NCOR2: variants seen among roughly 807,000 people sequenced by gnomAD.
NCOR2 encodes the protein CTG repeat protein 26.
A neutral mutation model predicts 262.9 loss-of-function variants in NCOR2; 81 were observed. The observed-to-expected ratio is 0.31, with a 90% confidence interval of 0.26 to 0.37. The LOEUF (loss-of-function observed/expected upper bound fraction) is 0.37, where lower values mean the gene tolerates loss of function less well. NCOR2 is among the 10% of genes least tolerant of loss of function. The pLI is 1.00. For missense variants in NCOR2, 3,385 were observed against 3,621.4 expected (o/e 0.93, Z 1.68); for synonymous variants, 1,659 against 1,559.3 (o/e 1.06, Z -1.51).
At chr12:124,436,270 G>A (rs956362088) in intron 8 of NCOR2, among the ~76,000 whole-genome samples, 4 of 152,204 alleles carry the variant, frequency 2.6e-5, no homozygotes, top group Admixed American at 6.5e-5. Context: ...CCAGGCCTGC[G>A]CCTGGGAGGG....
At chr12:124,402,492 C>T (rs780737127) in exon 14 of NCOR2, 3 of 1,604,318 alleles carry the variant, frequency 1.9e-6, no homozygotes, top group Non-Finnish European at 2.6e-6. Context: ...TCTTTCTCCT[C>T]CTGGCTGCTG....
intron 19 of NCOR2, among the ~76,000 whole-genome samples, chr12:124,373,620 G>A (rs1424607361): frequency 5.9e-5 from 6 of 101,708 alleles, no homozygotes; most frequent in African/African-American, 1.2e-4. Context: ...ACAGTGGGCA[G>A]TGAGGCCAGT....
At chr12:124,363,268 G>A (rs966367171) in intron 21 of NCOR2, among the ~76,000 whole-genome samples, 3 of 152,242 alleles carry the variant, frequency 2.0e-5, no homozygotes, top group Non-Finnish European at 4.4e-5. Context: ...CACCTCCAAG[G>A]GCCCACGCAC....
chr12:124,433,904 A>ACACACGCG lies in NCOR2; in HGVS notation c.883-3118_883-3117insCGCGTGTG, dbSNP rs1555222720. Reference sequence around the variant, plus strand: ...CACACACACACACACACACACGCACACACACACACAGGGAAAGACTGGAGC... The same window carrying ACACACGCG: ...CACACACACACACACACACACGCACACACACGCGCACACACACAGGGAAAGACTGGAGC... On this transcript the variant is annotated intron_variant, in intron 8 of 46. Coordinates refer to ENST00000405201, the Ensembl canonical transcript of NCOR2. 1.1e-4 allele frequency among the ~76,000 whole-genome samples: 10 copies of ACACACGCG among 93,924 alleles called. 1 individual carries two copies. The highest frequency in any genetic ancestry group is 3.2e-4 in the East Asian group (1 of 3,100). 61.6% of individuals were successfully genotyped at this position (93,924 alleles called of 152,430 possible).
chr12:124,326,325 T>C (rs777601321), exon 46 of NCOR2: 1 of 1,538,098 alleles, frequency 6.5e-7, no homozygotes, highest in African/African-American at 1.4e-5. Context: ...GGACTTGGCT[T>C]TTCGGCTGCT....
Position 124,346,853 on chromosome 12 carries a change from GC to G in NCOR2, c.4073-4del. ...CTCCACGTAGGACCGAGGGATCCCT[GC>G]CGGGCCGACAGCACTGACCCTCACG... On this transcript the variant is annotated splice_polypyrimidine_tract_variant and splice_region_variant and intron_variant, in intron 30 of 46. Transcript: ENST00000405201. 1.3e-6 allele frequency: 2 copies of G among 1,564,274 alleles called. No individual in the cohort carries two copies. The highest frequency in any genetic ancestry group is 1.8e-5 in the Admixed American group (1 of 54,124).
In NCOR2 at chr12:124,345,007, C is replaced by A. The variant is rs575853014; in HGVS notation, c.4360-56G>T. ...TGGCCACAGCCATAGCCCAGACCAG[C>A]TGCATCCCCCTTCTGAGCCTCAAAA... is the stretch of plus-strand genomic sequence containing the variant. On this transcript the variant is annotated intron_variant, in intron 31 of 46. Coordinates refer to ENST00000405201, the Ensembl canonical transcript of NCOR2. 127 of 1,403,034 alleles carry A rather than the reference C, an allele frequency of 9.1e-5. No homozygotes were observed. In the African/African-American group the frequency reaches 1.6e-3, roughly 17 times the overall value. The allele number at this position is 1,403,034 out of a possible 1,614,324, so 86.9% of individuals were successfully genotyped here. A position where few individuals can be genotyped will look rare whatever the true frequency, so the allele number is the denominator to read the frequency against.
chr12:124,544,152 G>C (rs2051468873), intron 1 of NCOR2, among the ~76,000 whole-genome samples: 1 of 152,176 alleles, frequency 6.6e-6, no homozygotes, highest in Admixed American at 6.5e-5. Flanking sequence ...GAGACTGCTG[G>C]ATGAGATGGA....
At chr12:124,545,340 A>G (rs1421442808) in intron 1 of NCOR2, among the ~76,000 whole-genome samples, 2 of 152,114 alleles carry the variant, frequency 1.3e-5, no homozygotes, top group South Asian at 2.1e-4. Flanking sequence ...GCCAGTGACA[A>G]CAGAAGCACC....
At chr12:124,401,031 T>C (rs1008745259) in intron 14 of NCOR2, among the ~76,000 whole-genome samples, 6 of 152,006 alleles carry the variant, frequency 3.9e-5, no homozygotes, top group Non-Finnish European at 8.8e-5. Flanking sequence ...ACAGCAAGAC[T>C]CCATCTCTAC....
intron 1 of NCOR2, among the ~76,000 whole-genome samples, chr12:124,490,833 G>A (rs769504333): frequency 2.8e-4 from 43 of 152,228 alleles, no homozygotes; most frequent in Non-Finnish European, 5.6e-4. Context: ...CAGACCTCTG[G>A]GGTTGGCGTG....
At chr12:124,499,961 C>T (rs1005329958), upstream of NCOR2, among the ~76,000 whole-genome samples, 4 of 152,064 alleles carry the variant, frequency 2.6e-5, no homozygotes, top group African/African-American at 9.7e-5. Context: ...AGGAGGGAGG[C>T]TGACTCTGCA....
chr12:124,423,629 C>T (rs1297649693), intron 11 of NCOR2, among the ~76,000 whole-genome samples: 1 of 152,206 alleles, frequency 6.6e-6, no homozygotes, highest in Non-Finnish European at 1.5e-5. Context: ...AGAGTCCTTT[C>T]CTCTCCGCTC....
chr12:124,505,568 A>T (rs2048998724), intron 1 of NCOR2, among the ~76,000 whole-genome samples: 1 of 152,224 alleles, frequency 6.6e-6, no homozygotes. Flanking sequence ...AAGGGCTCCC[A>T]CGTGCTGATC....
intron 17 of NCOR2, among the ~76,000 whole-genome samples, chr12:124,381,806 G>A (rs529713408): frequency 3.2e-4 from 48 of 152,356 alleles, no homozygotes; most frequent in South Asian, 6.2e-4. Context: ...CGTGGAAGCC[G>A]AGCCCCAGGG....
rs910146490 is a variant in NCOR2, at chr12:124,517,940, C to T, written c.-118+17625G>A. 6.6e-6 allele frequency among the ~76,000 whole-genome samples: 1 copy of T among 152,184 alleles called. No individual in the cohort carries two copies. The highest frequency in any genetic ancestry group is 1.5e-5 in the Non-Finnish European group (1 of 68,036). The stretch of plus-strand genomic sequence containing the variant: ...ATTGGCTGACCTGCGGCCGGCCACT[C>T]AGCCCCCAGCCCTGGCCACCACCTC... On this transcript the variant is annotated intron_variant, in intron 1 of 46. Transcript: ENST00000404621. The surrounding 1 kb of genome is among the most constrained non-coding windows in gnomAD (Gnocchi z 7.6).
At chr12:124,508,617 A>G (rs997520632) in intron 1 of NCOR2, among the ~76,000 whole-genome samples, 5 of 152,172 alleles carry the variant, frequency 3.3e-5, no homozygotes, top group African/African-American at 1.2e-4. Context: ...GTGGCCCCCA[A>G]ACATTCCTGA....
chr12:124,489,069 C>T (rs2047934945), intron 1 of NCOR2, among the ~76,000 whole-genome samples: 1 of 151,950 alleles, frequency 6.6e-6, no homozygotes, highest in Non-Finnish European at 1.5e-5. Context: ...CAGGGTTGAG[C>T]CCAGGGACTC....
At chr12:124,332,501 T>C in intron 42 of NCOR2, 34 bp from the exon 45 acceptor site, 1 of 1,613,574 alleles carries the variant, frequency 6.2e-7, no homozygotes, top group Non-Finnish European at 8.5e-7. Flanking sequence ...TCAGCTCACT[T>C]GGTGCCGAGC....
Sources: gnomAD v4.1 joint callset for allele counts (sites outside exome capture counted in the v4.1 genomes callset) on GRCh38, gnomAD v4.1.1 for gene constraint, Gnocchi (gnomAD v3.1) non-coding constraint, MANE v1.5 for transcripts, NCBI Gene and HGNC (gene_info 2026-07-23, HGNC 2026-07-21) for gene names.